Variants in SLC24A2 observed in about 807,000 individuals in gnomAD.
SLC24A2 encodes sodium/potassium/calcium exchanger 2.
A neutral mutation model predicts 62.0 loss-of-function variants in SLC24A2; 36 were observed. That is an observed-to-expected ratio of 0.58 (90% confidence interval 0.44 to 0.77). The LOEUF is 0.77. Ranked by LOEUF, SLC24A2 falls within the 30% of genes least tolerant of loss-of-function variation. The probability of loss-of-function intolerance (pLI) is 0.00; values close to 1 mark genes in which losing one functional copy is unlikely to be tolerated. For synonymous variants in SLC24A2, 358 were observed against 294.0 expected (o/e 1.22, Z -2.23); for missense variants, 846 against 817.9 (o/e 1.03, Z -0.42).
chr9:20,240,480 C>T, the SLC24A2 span, among the ~76,000 whole-genome samples: 1 of 152,198 alleles, frequency 6.6e-6, no homozygotes, highest in Non-Finnish European at 1.5e-5. Context: ...TGGGATTTGA[C>T]TCAGGGTGTT....
At chr9:19,994,969 T>G in the SLC24A2 span, among the ~76,000 whole-genome samples, 2 of 152,288 alleles carry the variant, frequency 1.3e-5, no homozygotes, top group East Asian at 1.9e-4. Context: ...ACAACACCCT[T>G]TACCTTAAAA....
At chr9:19,988,768 T>C in the SLC24A2 span, among the ~76,000 whole-genome samples, 1 of 152,190 alleles carries the variant, frequency 6.6e-6, no homozygotes, top group Non-Finnish European at 1.5e-5. Context: ...CATATCAGGC[T>C]CTGAAACAAA....
At chr9:19,685,234 C>A (rs1478251549) in intron 2 of SLC24A2, among the ~76,000 whole-genome samples, 2 of 152,042 alleles carry the variant, frequency 1.3e-5, no homozygotes, top group African/African-American at 4.8e-5. Context: ...ATGAGAATTA[C>A]AAAACATTGC....
chr9:20,001,094 G>A, the SLC24A2 span, among the ~76,000 whole-genome samples: 1,751 of 152,306 alleles, frequency 0.011, 24 homozygotes, highest in African/African-American at 0.039. Flanking sequence ...AAACGTGGCA[G>A]TTGCATTTTG....
chr9:20,170,001 AGGAAACAATT>A, the SLC24A2 span, among the ~76,000 whole-genome samples: 1 of 152,160 alleles, frequency 6.6e-6, no homozygotes, highest in Non-Finnish European at 1.5e-5. Context: ...TCAGAACTTC[AGGAAACAATT>A]GGCACACTTA....
At chr9:20,297,832 C>T in the SLC24A2 span, among the ~76,000 whole-genome samples, 1,802 of 152,362 alleles carry the variant, frequency 0.012, 21 homozygotes, top group Middle Eastern at 0.034. Flanking sequence ...ACATCCTTTG[C>T]TCACAGCCCC....
the SLC24A2 span, among the ~76,000 whole-genome samples, chr9:20,106,273 G>A: frequency 1.5e-4 from 23 of 152,280 alleles, no homozygotes; most frequent in East Asian, 4.1e-3. Flanking sequence ...AGAGGTACAA[G>A]GAGGAGCCAG....
chr9:20,254,327 C>T, the SLC24A2 span, among the ~76,000 whole-genome samples: 1 of 152,162 alleles, frequency 6.6e-6, no homozygotes, highest in African/African-American at 2.4e-5. Context: ...ATAATGCCAT[C>T]AAAATCAATT....
At chr9:20,246,613 G>A in the SLC24A2 span, among the ~76,000 whole-genome samples, 19 of 152,138 alleles carry the variant, frequency 1.2e-4, no homozygotes, top group African/African-American at 3.9e-4. Flanking sequence ...GTTACTCACA[G>A]GTCAACAGAA....
the SLC24A2 span, among the ~76,000 whole-genome samples, chr9:20,168,919 C>G: frequency 6.6e-6 from 1 of 151,988 alleles, no homozygotes; most frequent in African/African-American, 2.4e-5. Context: ...CATACCAGTA[C>G]TATTCACAGT....
At chr9:19,913,995 C>T in the SLC24A2 span, among the ~76,000 whole-genome samples, 26 of 152,028 alleles carry the variant, frequency 1.7e-4, no homozygotes, top group African/African-American at 5.6e-4. Context: ...TCTTGATCAG[C>T]GGTGGTATGC....
the SLC24A2 span, among the ~76,000 whole-genome samples, chr9:20,079,071 C>G: frequency 7.0e-6 from 1 of 143,266 alleles, no homozygotes; most frequent in African/African-American, 2.5e-5. Flanking sequence ...ATAAGATCAT[C>G]CTGATTATCC....
the SLC24A2 span, among the ~76,000 whole-genome samples, chr9:20,209,265 A>G: frequency 6.6e-6 from 1 of 152,206 alleles, no homozygotes; most frequent in Non-Finnish European, 1.5e-5. Context: ...CTTGATTAGC[A>G]TGTTAAGGAC....
chr9:19,846,128 TAA>T, the SLC24A2 span, among the ~76,000 whole-genome samples: 1 of 152,194 alleles, frequency 6.6e-6, no homozygotes, highest in Non-Finnish European at 1.5e-5. Flanking sequence ...GTGTCAAATT[TAA>T]TTTCAGAATT....
intron 8 of SLC24A2, among the ~76,000 whole-genome samples, chr9:19,549,627 C>T (rs1217614838): frequency 2.0e-5 from 3 of 152,192 alleles, no homozygotes; most frequent in Admixed American, 1.3e-4. Flanking sequence ...TAGACCGTCC[C>T]AGCTGAGCCT....
the SLC24A2 span, among the ~76,000 whole-genome samples, chr9:20,217,019 A>T: frequency 6.6e-6 from 1 of 152,214 alleles, no homozygotes; most frequent in African/African-American, 2.4e-5. Flanking sequence ...TTGCTCACCA[A>T]AAGTCAAGAA....
chr9:20,036,488 T>A, the SLC24A2 span, among the ~76,000 whole-genome samples: 1 of 152,168 alleles, frequency 6.6e-6, no homozygotes, highest in Non-Finnish European at 1.5e-5. Flanking sequence ...TATCTTCCCA[T>A]TCCCCCCCAC....
chr9:19,558,961 C>T (rs375246907), intron 7 of SLC24A2, among the ~76,000 whole-genome samples: 15 of 152,214 alleles, frequency 9.9e-5, no homozygotes, highest in Non-Finnish European at 1.3e-4. Context: ...GAGAAGGGAT[C>T]GAGAGACAAA....
chr9:20,019,303 GAAAGAAAGAA>G, the SLC24A2 span, among the ~76,000 whole-genome samples: 2 of 147,650 alleles, frequency 1.4e-5, no homozygotes, highest in African/African-American at 5.3e-5. Context: ...AAGAAAGAAA[GAAAGAAAGAA>G]AGTGAGTGAC....
Sources: gnomAD v4.1 joint callset for allele counts (sites outside exome capture counted in the v4.1 genomes callset) on GRCh38, gnomAD v4.1.1 for gene constraint, MANE v1.5 for transcripts, NCBI Gene and HGNC (gene_info 2026-07-23, HGNC 2026-07-21) for gene names.